STRBP: variants seen among roughly 807,000 people sequenced by gnomAD.
STRBP encodes the protein spermatid perinuclear RNA-binding protein.
In STRBP, 13 loss-of-function variants were observed where a neutral mutation model predicts 80.1. That is an observed-to-expected ratio of 0.16 (90% CI 0.11 to 0.26). The LOEUF is 0.26. STRBP is among the 10% of genes least tolerant of loss of function. STRBP has a pLI of 1.00. For missense variants in STRBP, 485 were observed against 815.2 expected, an observed-to-expected ratio of 0.59 and a Z score of 4.93; for synonymous variants, 284 against 291.2, an observed-to-expected ratio of 0.98 and a Z score of 0.25.
At position 123,201,139 on chromosome 9, in the gene STRBP, G is replaced by A. The variant is rs529630400; in HGVS notation, c.-164-16841C>T. On this transcript the variant is annotated intron_variant, in intron 2 of 18. Transcript: ENST00000348403. ...GCCTTCTCTCTTCTTGATTAATCTA[G>A]CTCATGGTCTATCAATTTTATTTTT... Among the ~76,000 whole-genome samples the A allele has an allele frequency of 5.9e-5, 9 of 152,020 alleles. No homozygotes were observed. The East Asian group carries it at 1.7e-3, about 29-fold the overall frequency.
chr9:123,219,245 G>A (rs1215589348), intron 2 of STRBP, among the ~76,000 whole-genome samples: 1 of 152,062 alleles, frequency 6.6e-6, no homozygotes, highest in Admixed American at 6.6e-5. Flanking sequence ...CAACCTTGCT[G>A]CCATTCCCCA....
chr9:123,226,299 T>A (rs937397455), intron 2 of STRBP, among the ~76,000 whole-genome samples: 6 of 152,326 alleles, frequency 3.9e-5, no homozygotes, highest in Non-Finnish European at 5.9e-5. Context: ...GGTGGTTACA[T>A]GACTAAGTCT....
At chr9:123,169,336 T>A (rs1039667889) in intron 6 of STRBP, among the ~76,000 whole-genome samples, 1 of 151,870 alleles carries the variant, frequency 6.6e-6, no homozygotes, top group African/African-American at 2.4e-5. Context: ...GCCTGGCTGA[T>A]TTTTTTGTAT....
chr9:123,146,201 A>G (rs2036807982), intron 13 of STRBP, among the ~76,000 whole-genome samples: 3 of 152,108 alleles, frequency 2.0e-5, no homozygotes, highest in South Asian at 4.1e-4. Flanking sequence ...GGTCAAATAT[A>G]CTTATAGAGA....
intron 2 of STRBP, among the ~76,000 whole-genome samples, chr9:123,235,744 A>G (rs2132592238): frequency 6.6e-6 from 1 of 152,262 alleles, no homozygotes; most frequent in Non-Finnish European, 1.5e-5. Context: ...TCTATGGAAA[A>G]TTAAATTGAA....
At chr9:123,175,909 T>C (rs969297334) in intron 4 of STRBP, among the ~76,000 whole-genome samples, 1 of 152,192 alleles carries the variant, frequency 6.6e-6, no homozygotes, top group African/African-American at 2.4e-5. Flanking sequence ...CACTGAACAC[T>C]TGGACACTTA....
intron 6 of STRBP, among the ~76,000 whole-genome samples, chr9:123,166,520 G>A (rs556881232): frequency 5.3e-5 from 8 of 152,294 alleles, no homozygotes; most frequent in Admixed American, 2.0e-4. Flanking sequence ...TTGGGAGGCC[G>A]AGGCGGGCAA....
chr9:123,192,150 G>A (rs1399688832), intron 2 of STRBP, among the ~76,000 whole-genome samples: 1 of 152,150 alleles, frequency 6.6e-6, no homozygotes, highest in African/African-American at 2.4e-5. Context: ...CTTTGGACAT[G>A]CTGACATTGA....
At chr9:123,192,316 A>G in intron 2 of STRBP, among the ~76,000 whole-genome samples, 1 of 152,230 alleles carries the variant, frequency 6.6e-6, no homozygotes, top group Non-Finnish European at 1.5e-5. Context: ...AATGAATACA[A>G]AAAAAGCAAA....
chr9:123,244,660 G>A (rs754637736), intron 1 of STRBP, among the ~76,000 whole-genome samples: 5 of 152,172 alleles, frequency 3.3e-5, no homozygotes, highest in East Asian at 1.9e-4. Flanking sequence ...GATGTCAAAC[G>A]CTGGCAAAGA....
intron 6 of STRBP, among the ~76,000 whole-genome samples, 174 bp downstream of exon 6, chr9:123,169,728 T>C (rs945867614): frequency 1.3e-5 from 2 of 152,162 alleles, no homozygotes; most frequent in African/African-American, 4.8e-5. Flanking sequence ...TTGCAAAATA[T>C]ACTGATTATG....
chr9:123,170,937 G>T (rs1425642463), intron 5 of STRBP, among the ~76,000 whole-genome samples: 1 of 151,854 alleles, frequency 6.6e-6, no homozygotes, highest in East Asian at 1.9e-4. Flanking sequence ...TGTATTAAAA[G>T]AATTCAAAGT....
chr9:123,240,522 GGATT>G (rs1166419389), intron 1 of STRBP, among the ~76,000 whole-genome samples: 1 of 152,152 alleles, frequency 6.6e-6, no homozygotes, highest in Non-Finnish European at 1.5e-5. Context: ...TCTTTCAACA[GGATT>G]GATAGAATCA....
At chr9:123,250,794 G>A (rs934272582) in intron 1 of STRBP, among the ~76,000 whole-genome samples, 3 of 152,122 alleles carry the variant, frequency 2.0e-5, no homozygotes, top group South Asian at 4.1e-4. Context: ...ATTTCATAAC[G>A]AGTAATCACT....
chr9:123,188,164 A>T (rs2038777335), intron 2 of STRBP, among the ~76,000 whole-genome samples: 2 of 152,114 alleles, frequency 1.3e-5, no homozygotes, highest in South Asian at 4.1e-4. Context: ...AGCAATATGC[A>T]TTTAAGGTTT....
Position 123,209,572 on chromosome 9 carries a change from C to T in STRBP, c.-164-25274G>A, listed in dbSNP as rs1414787273. Among the ~76,000 whole-genome samples, 8 of 152,138 alleles carry T rather than the reference C, an allele frequency of 5.3e-5. No individual in the cohort carries two copies. The East Asian group carries it at 1.2e-3, about 22-fold the overall frequency. ...AAGTTCACCATGTACACTTTCCCAACGCAGAAACAACATGTAAAGAGGATG... is the reference window on the plus strand; with the variant it reads ...AAGTTCACCATGTACACTTTCCCAATGCAGAAACAACATGTAAAGAGGATG... On this transcript the variant is annotated intron_variant, in intron 2 of 18. Coordinates refer to ENST00000348403, the MANE Select transcript of STRBP (RefSeq NM_018387.5).
intron 2 of STRBP, among the ~76,000 whole-genome samples, chr9:123,217,193 T>C (rs889551886): frequency 6.6e-6 from 1 of 152,212 alleles, no homozygotes; most frequent in South Asian, 2.1e-4. Flanking sequence ...AATGAGTTAC[T>C]GATACTATCT....
At chr9:123,201,503 T>C (rs1009572727) in intron 2 of STRBP, among the ~76,000 whole-genome samples, 2 of 152,222 alleles carry the variant, frequency 1.3e-5, no homozygotes, top group Non-Finnish European at 2.9e-5. Flanking sequence ...AATTTCCATG[T>C]ATTTGTACAG....
chr9:123,265,440 A>G (rs1466851807), intron 1 of STRBP, among the ~76,000 whole-genome samples: 1 of 152,252 alleles, frequency 6.6e-6, no homozygotes, highest in African/African-American at 2.4e-5. Context: ...CATTACGTGA[A>G]GCCCACAGAG....
Sources: gnomAD v4.1 joint callset for allele counts (sites outside exome capture counted in the v4.1 genomes callset) on GRCh38, gnomAD v4.1.1 for gene constraint, MANE v1.5 for transcripts, NCBI Gene and HGNC (gene_info 2026-07-23, HGNC 2026-07-21) for gene names.